CLSTN2: variants seen among roughly 807,000 people sequenced by gnomAD.
CLSTN2 encodes the protein calsyntenin 2.
Under a neutral mutation model 101.2 loss-of-function variants are expected in CLSTN2, and 48 were observed. That is an observed-to-expected ratio of 0.47 (90% CI 0.38 to 0.60). The LOEUF (loss-of-function observed/expected upper bound fraction) is 0.60, where lower values mean the gene tolerates loss of function less well. CLSTN2 is among the 20% of genes least tolerant of loss of function. CLSTN2 has a pLI of 0.00. For synonymous variants in CLSTN2, 481 were observed against 463.6 expected (o/e 1.04, Z -0.48); for missense variants, 1,160 against 1,238.2 (o/e 0.94, Z 0.95).
intron 2 of CLSTN2, among the ~76,000 whole-genome samples, chr3:140,328,356 C>T (rs2107927688): frequency 6.6e-6 from 1 of 152,350 alleles, no homozygotes; most frequent in South Asian, 2.1e-4. Flanking sequence ...TCACCCTCCA[C>T]ACAGAATGTT....
intron 1 of CLSTN2, among the ~76,000 whole-genome samples, chr3:140,128,633 T>C (rs1430307579): frequency 6.6e-6 from 1 of 152,072 alleles, no homozygotes; most frequent in Non-Finnish European, 1.5e-5. Context: ...TGACCTTCCT[T>C]TTGATGGAGA....
chr3:140,373,492 G>A (rs569368323), intron 2 of CLSTN2, among the ~76,000 whole-genome samples: 1 of 152,220 alleles, frequency 6.6e-6, no homozygotes, highest in African/African-American at 2.4e-5. Flanking sequence ...GTGATGTGCT[G>A]TCTATTATAT....
At chr3:140,257,731 ATAATT>A (rs2086616559) in intron 2 of CLSTN2, among the ~76,000 whole-genome samples, 1 of 152,204 alleles carries the variant, frequency 6.6e-6, no homozygotes, top group African/African-American at 2.4e-5. Flanking sequence ...TTGATGTGTC[ATAATT>A]TAATTAACAA....
intron 2 of CLSTN2, among the ~76,000 whole-genome samples, chr3:140,213,167 CT>C (rs2010878815): frequency 6.6e-6 from 1 of 152,196 alleles, no homozygotes; most frequent in African/African-American, 2.4e-5. Flanking sequence ...TGAAGTTAAA[CT>C]CCTCTCTGAC....
chr3:140,501,761 T>C (rs778289828), intron 8 of CLSTN2, among the ~76,000 whole-genome samples: 8 of 152,214 alleles, frequency 5.3e-5, no homozygotes, highest in Non-Finnish European at 1.0e-4. Context: ...TCTTGAGTGA[T>C]AGTACTGCTT....
chr3:140,044,857 GC>G (rs1234914419), intron 1 of CLSTN2, among the ~76,000 whole-genome samples: 3 of 152,312 alleles, frequency 2.0e-5, no homozygotes, highest in Non-Finnish European at 4.4e-5. Flanking sequence ...TGTTGAACCA[GC>G]CTTGCATCCC....
chr3:140,149,432 C>T (rs1242467855), intron 1 of CLSTN2, among the ~76,000 whole-genome samples: 4 of 150,252 alleles, frequency 2.7e-5, no homozygotes, highest in African/African-American at 7.4e-5. Flanking sequence ...AAATATAGAG[C>T]ATCCAGTTAA....
intron 1 of CLSTN2, among the ~76,000 whole-genome samples, chr3:140,059,055 T>G (rs2008150892): frequency 6.6e-6 from 1 of 152,208 alleles, no homozygotes; most frequent in African/African-American, 2.4e-5. Context: ...TATGTGATGT[T>G]GGGGTGTGGG....
intron 5 of CLSTN2, among the ~76,000 whole-genome samples, chr3:140,441,918 G>A (rs746845647): frequency 1.3e-5 from 2 of 152,156 alleles, no homozygotes; most frequent in Admixed American, 6.5e-5. Flanking sequence ...AGACATGGCA[G>A]CTGCTGGGTT....
In CLSTN2 at chr3:140,563,947, T is replaced by C. The variant is rs1316687036; in HGVS notation, c.2483-14T>C. ...TTTGTTCACCATGTCATGCGAGTTTTTTCCTTGTTCCAGTGGTCCCAAGCA... is the reference window on the plus strand; with the variant it reads ...TTTGTTCACCATGTCATGCGAGTTTCTTCCTTGTTCCAGTGGTCCCAAGCA... On this transcript the variant is annotated splice_polypyrimidine_tract_variant and intron_variant, in intron 15 of 16. Coordinates refer to ENST00000458420, the MANE Select transcript of CLSTN2 (RefSeq NM_022131.3). The C allele has an allele frequency of 1.7e-5, 27 of 1,612,176 alleles. No homozygotes were observed. The highest frequency in any genetic ancestry group is 2.2e-5 in the Non-Finnish European group (26 of 1,178,510).
intron 1 of CLSTN2, among the ~76,000 whole-genome samples, chr3:139,976,638 C>G (rs1279383797): frequency 6.6e-6 from 1 of 152,190 alleles, no homozygotes; most frequent in Non-Finnish European, 1.5e-5. Context: ...ATTCACTCAG[C>G]AGGGATAGCT....
chr3:140,377,269 G>C (rs1210389246), intron 2 of CLSTN2, among the ~76,000 whole-genome samples: 1 of 152,104 alleles, frequency 6.6e-6, no homozygotes. Context: ...ACACACAGAA[G>C]GTATAGGACA....
At chr3:140,171,328 G>A (rs1018613007) in intron 1 of CLSTN2, among the ~76,000 whole-genome samples, 1 of 151,968 alleles carries the variant, frequency 6.6e-6, no homozygotes, top group Non-Finnish European at 1.5e-5. Context: ...TGGGTTTCAG[G>A]GGCCAAGACC....
intron 2 of CLSTN2, among the ~76,000 whole-genome samples, chr3:140,374,119 G>A (rs2087889486): frequency 6.6e-6 from 1 of 152,114 alleles, no homozygotes. Flanking sequence ...ACTTTCAATG[G>A]CTGCCCCTGA....
At chr3:140,402,601 G>A (rs1194866850) in intron 2 of CLSTN2, among the ~76,000 whole-genome samples, 2 of 152,270 alleles carry the variant, frequency 1.3e-5, no homozygotes, top group Admixed American at 6.5e-5. Context: ...AGGCAAGAAG[G>A]TGCCTGGGTT....
At chr3:140,154,131 A>G in intron 1 of CLSTN2, among the ~76,000 whole-genome samples, 1 of 152,178 alleles carries the variant, frequency 6.6e-6, no homozygotes, top group African/African-American at 2.4e-5. Flanking sequence ...TGATGAAAAT[A>G]ATAAAATTTT....
intron 1 of CLSTN2, among the ~76,000 whole-genome samples, chr3:140,001,661 T>A (rs1207786472): frequency 6.6e-6 from 1 of 152,096 alleles, no homozygotes; most frequent in Non-Finnish European, 1.5e-5. Flanking sequence ...AATGTACAAT[T>A]AAATTATTGA....
At chr3:140,318,727 C>A (rs2087254374) in intron 2 of CLSTN2, among the ~76,000 whole-genome samples, 2 of 152,174 alleles carry the variant, frequency 1.3e-5, no homozygotes, top group Non-Finnish European at 2.9e-5. Context: ...TTGGAGCCAC[C>A]AGTCTGTGCT....
At chr3:140,057,428 C>A (rs2008117245) in intron 1 of CLSTN2, among the ~76,000 whole-genome samples, 1 of 152,194 alleles carries the variant, frequency 6.6e-6, no homozygotes, top group Non-Finnish European at 1.5e-5. Context: ...CACTTGTTGG[C>A]CTTCCCTGAC....
Sources: gnomAD v4.1 joint callset for allele counts (sites outside exome capture counted in the v4.1 genomes callset) on GRCh38, gnomAD v4.1.1 for gene constraint, MANE v1.5 for transcripts, NCBI Gene and HGNC (gene_info 2026-07-23, HGNC 2026-07-21) for gene names.